Variants in C1orf21 observed in about 807,000 individuals in gnomAD.
C1orf21 encodes uncharacterized protein C1orf21.
In C1orf21, 3 loss-of-function variants were observed where a neutral mutation model predicts 18.7. That is an observed-to-expected ratio of 0.16 (90% CI 0.07 to 0.42). The LOEUF (loss-of-function observed/expected upper bound fraction) is 0.42, where lower values mean the gene tolerates loss of function less well. C1orf21 is among the 10% of genes least tolerant of loss of function. The probability of loss-of-function intolerance (pLI) is 0.99; values close to 1 mark genes in which losing one functional copy is unlikely to be tolerated. For missense variants in C1orf21, 104 were observed against 143.6 expected, an observed-to-expected ratio of 0.72 and a Z score of 1.41; for synonymous variants, 41 against 46.4, an observed-to-expected ratio of 0.88 and a Z score of 0.47.
rs1490449455 is a variant in C1orf21 at position 184,624,339 on chromosome 1, G to A, written c.*4783G>A. On this transcript the variant is annotated 3_prime_UTR_variant, in exon 6 of 6. Transcript: ENST00000235307. ...AACAGTAGGACTTCAGTGCCCTGAG[G>A]AAAAGGCTTTGGGAATTTAGGCACA... The A allele has an allele frequency of 6.6e-6, 1 of 152,534 alleles. No individual in the cohort carries two copies. Among genetic ancestry groups the A allele is most frequent in the Non-Finnish European group, 1.5e-5 (1 of 68,050 alleles). The allele number at this position is 152,534 out of a possible 1,614,324, so 9.4% of individuals were successfully genotyped here.
chr1:184,395,536 C>T (rs979538736), intron 1 of C1orf21, among the ~76,000 whole-genome samples: 1 of 151,896 alleles, frequency 6.6e-6, no homozygotes, highest in African/African-American at 2.4e-5. Context: ...TGGAGAGATG[C>T]TGGAGATAGA....
At chr1:184,424,510 C>T (rs1656600964) in intron 1 of C1orf21, among the ~76,000 whole-genome samples, 1 of 152,168 alleles carries the variant, frequency 6.6e-6, no homozygotes, top group Non-Finnish European at 1.5e-5. Flanking sequence ...TTCAATATCT[C>T]TCAAAATTGT....
At chr1:184,541,411 G>C (rs577241320) in intron 3 of C1orf21, among the ~76,000 whole-genome samples, 2 of 152,174 alleles carry the variant, frequency 1.3e-5, no homozygotes, top group African/African-American at 4.8e-5. Context: ...AACCAGCCTT[G>C]ACCTCGCCAT....
At chr1:184,540,567 C>T (rs1658632165) in intron 3 of C1orf21, among the ~76,000 whole-genome samples, 1 of 152,046 alleles carries the variant, frequency 6.6e-6, no homozygotes, top group Admixed American at 6.5e-5. Flanking sequence ...GTACCTGGGA[C>T]TACAGGTGCA....
intron 1 of C1orf21, among the ~76,000 whole-genome samples, chr1:184,397,061 G>A (rs190112228): frequency 6.6e-6 from 1 of 152,236 alleles, no homozygotes; most frequent in Admixed American, 6.5e-5. Context: ...GTGAGTTCTA[G>A]GGAACCCCCG....
intron 1 of C1orf21, among the ~76,000 whole-genome samples, chr1:184,468,886 C>G (rs560575997): frequency 6.6e-6 from 1 of 151,192 alleles, no homozygotes; most frequent in Admixed American, 6.6e-5. Flanking sequence ...CCATTGCACT[C>G]CAGCCTGGGC....
At chr1:184,477,700 G>T in intron 2 of C1orf21, 97 bp downstream of exon 2, 1 of 937,340 alleles carries the variant, frequency 1.1e-6, no homozygotes, top group Non-Finnish European at 1.6e-6. Flanking sequence ...TGGGGTGCTT[G>T]TGATATTTTG....
intron 1 of C1orf21, among the ~76,000 whole-genome samples, chr1:184,458,036 A>G (rs1657247512): frequency 6.6e-6 from 1 of 152,178 alleles, no homozygotes; most frequent in South Asian, 2.1e-4. Flanking sequence ...ACTGAGATTT[A>G]GAGTAATTAA....
intron 1 of C1orf21, among the ~76,000 whole-genome samples, chr1:184,469,119 A>G (rs1657452692): frequency 1.3e-5 from 2 of 151,726 alleles, no homozygotes; most frequent in African/African-American, 2.4e-5. Flanking sequence ...GCATGGTGGC[A>G]CGTGCCTGTA....
intron 1 of C1orf21, among the ~76,000 whole-genome samples, chr1:184,457,681 G>C (rs1205357626): frequency 2.6e-5 from 4 of 152,120 alleles, no homozygotes; most frequent in African/African-American, 9.7e-5. Flanking sequence ...TATCTTGCCA[G>C]CTATCCATGT....
chr1:184,440,801 T>G (rs1656931361), intron 1 of C1orf21, among the ~76,000 whole-genome samples: 1 of 152,192 alleles, frequency 6.6e-6, no homozygotes, highest in African/African-American at 2.4e-5. Flanking sequence ...AAAAAATGAT[T>G]AGGAAAACCT....
intron 2 of C1orf21, among the ~76,000 whole-genome samples, chr1:184,498,019 T>C (rs931742959): frequency 1.3e-5 from 2 of 152,154 alleles, no homozygotes; most frequent in East Asian, 1.9e-4. Context: ...CTGCTCAGCC[T>C]ACTCTGGGCT....
At chr1:184,436,201 T>C (rs1656854867) in intron 1 of C1orf21, among the ~76,000 whole-genome samples, 1 of 152,160 alleles carries the variant, frequency 6.6e-6, no homozygotes, top group African/African-American at 2.4e-5. Flanking sequence ...GAGTTTGTGT[T>C]ACAACTTGTT....
intron 3 of C1orf21, among the ~76,000 whole-genome samples, chr1:184,569,359 G>C (rs1173253980): frequency 6.6e-6 from 1 of 152,188 alleles, no homozygotes; most frequent in Non-Finnish European, 1.5e-5. Flanking sequence ...GTCATTAAAT[G>C]AAAGTGTGCA....
intron 2 of C1orf21, among the ~76,000 whole-genome samples, chr1:184,481,596 T>C (rs1348191881): frequency 1.3e-5 from 2 of 152,188 alleles, no homozygotes; most frequent in African/African-American, 4.8e-5. Flanking sequence ...TGGTCATTGC[T>C]CTCTCTGTGC....
intron 3 of C1orf21, among the ~76,000 whole-genome samples, chr1:184,512,174 A>G (rs1409850888): frequency 6.6e-6 from 1 of 152,198 alleles, no homozygotes; most frequent in Non-Finnish European, 1.5e-5. Context: ...AGGCCTCATC[A>G]TCAGTGGTTC....
chr1:184,560,083 T>C (rs1241408636), intron 3 of C1orf21, among the ~76,000 whole-genome samples: 3 of 152,176 alleles, frequency 2.0e-5, no homozygotes, highest in African/African-American at 7.2e-5. Flanking sequence ...AATGCAAGAA[T>C]GGCCTAATAC....
In C1orf21 at chr1:184,507,659, G is replaced by A; in HGVS notation, c.166G>A (p.Ala56Thr). ...TGGGGCAGAAGAAGAGCAGAAAATA[G>A]CAGCCAGGAACCAAGAAAACTTGGT... is the stretch of plus-strand genomic sequence containing the variant. ...KNGAEEEQKIAARNQENLEKS... is the reference protein window; with the variant it reads ...KNGAEEEQKITARNQENLEKS... The change falls in exon 3 of 6, where the codon GCA becomes ACA. Residue 56 changes from alanine (A) to threonine (T), a missense_variant. By Grantham distance (58) the Ala-to-Thr change is moderately conservative (BLOSUM62 0). Coordinates refer to ENST00000235307, the MANE Select transcript of C1orf21 (RefSeq NM_030806.4). 9 of 1,601,252 alleles carry A rather than the reference G, an allele frequency of 5.6e-6. No individual in the cohort carries two copies. The highest frequency in any genetic ancestry group is 6.8e-6 in the Non-Finnish European group (8 of 1,175,562).
chr1:184,485,292 T>C (rs1657716658), intron 2 of C1orf21, among the ~76,000 whole-genome samples: 1 of 152,158 alleles, frequency 6.6e-6, no homozygotes, highest in African/African-American at 2.4e-5. Context: ...GAAAAAAGAA[T>C]ATAAAATAGC....
Sources: allele counts gnomAD v4.1 joint callset (sites outside exome capture counted in the v4.1 genomes callset), GRCh38; gene constraint gnomAD v4.1.1; transcripts MANE v1.5; gene names NCBI Gene and HGNC (gene_info 2026-07-23, HGNC 2026-07-21).